Variants in CYP2J2 observed in about 807,000 individuals in gnomAD.
CYP2J2 encodes the protein cytochrome P450 family 2 subfamily J member 2.
In CYP2J2, 41 loss-of-function variants were observed where a neutral mutation model predicts 48.8. That is an observed-to-expected ratio of 0.84 (90% CI 0.66 to 1.09). CYP2J2 has a LOEUF of 1.09. CYP2J2 is among the 50% of genes least tolerant of loss of function. The probability of loss-of-function intolerance (pLI) is 0.00; values close to 1 mark genes in which losing one functional copy is unlikely to be tolerated. For synonymous variants in CYP2J2, 221 were observed against 227.1 expected, an observed-to-expected ratio of 0.97 and a Z score of 0.24; for missense variants, 644 against 617.3, an observed-to-expected ratio of 1.04 and a Z score of -0.46.
At chr1:59,962,324 TAAGACAGC>T in the CYP2J2 span, among the ~76,000 whole-genome samples, 2 of 152,140 alleles carry the variant, frequency 1.3e-5, no homozygotes, top group East Asian at 3.9e-4. Context: ...GTCCCTAATG[TAAGACAGC>T]AGCAAAGGGA....
intron 7 of CYP2J2, among the ~76,000 whole-genome samples, chr1:59,903,026 C>T (rs1644334348): frequency 6.6e-6 from 1 of 152,182 alleles, no homozygotes; most frequent in Admixed American, 6.5e-5. Flanking sequence ...CAGCAGAAGT[C>T]AAGCTGGTTT....
In CYP2J2 at chr1:59,902,932, T is replaced by C. The variant is rs72925825; in HGVS notation, c.1192-1829A>G. Among the ~76,000 whole-genome samples, 1,426 of 152,266 alleles carry C rather than the reference T, an allele frequency of 9.4e-3. 18 individuals are homozygous for C. Among genetic ancestry groups the C allele is most frequent in the African/African-American group, 0.032 (1,332 of 41,536 alleles). On this transcript the variant is annotated intron_variant, in intron 7 of 8. Transcript: ENST00000371204. Reference sequence around the variant, plus strand: ...GAATTAGGTCTATTTGACGTCAAAGTCATAGCTCGTAGACTGTGTAACACA... The same window carrying C: ...GAATTAGGTCTATTTGACGTCAAAGCCATAGCTCGTAGACTGTGTAACACA...
chr1:59,923,124 G>T (rs11572209), intron 1 of CYP2J2, among the ~76,000 whole-genome samples: 1 of 152,202 alleles, frequency 6.6e-6, no homozygotes, highest in African/African-American at 2.4e-5. Flanking sequence ...TCTTCCCTCC[G>T]TAGTAAAGCA....
At chr1:59,912,654 T>C (rs1644428242) in intron 2 of CYP2J2, 1 of 202,138 alleles carries the variant, frequency 4.9e-6, no homozygotes, top group African/African-American at 2.3e-5. Context: ...GGTCTCACAG[T>C]AAGTAAGCAA....
At chr1:59,929,734 G>T (rs1644593936), upstream of CYP2J2, among the ~76,000 whole-genome samples, 1 of 151,816 alleles carries the variant, frequency 6.6e-6, no homozygotes, top group Admixed American at 6.6e-5. Context: ...AACAGAGACA[G>T]AAAAAAAGAA....
intron 1 of CYP2J2, among the ~76,000 whole-genome samples, chr1:59,921,995 A>C (rs928356083): frequency 6.6e-5 from 10 of 152,114 alleles, no homozygotes; most frequent in Non-Finnish European, 1.2e-4. Flanking sequence ...ACCTACCCCC[A>C]TCCTCACTAA....
chr1:59,897,852 C>G (rs1221667582), intron 8 of CYP2J2, among the ~76,000 whole-genome samples: 1 of 152,084 alleles, frequency 6.6e-6, no homozygotes, highest in East Asian at 1.9e-4. Flanking sequence ...GAAGAGTCCT[C>G]TAGAAGACTC....
the CYP2J2 span, among the ~76,000 whole-genome samples, chr1:59,962,619 T>G: frequency 2.0e-5 from 3 of 152,170 alleles, no homozygotes; most frequent in Non-Finnish European, 4.4e-5. Context: ...CAGAGTAAAC[T>G]ACTAGGCTCA....
intron 5 of CYP2J2, among the ~76,000 whole-genome samples, chr1:59,908,742 G>A (rs1333640463): frequency 3.3e-5 from 5 of 152,198 alleles, no homozygotes; most frequent in Admixed American, 1.3e-4. Context: ...TTCCTGATGT[G>A]TAAAGATGAC....
chr1:59,954,500 T>C, the CYP2J2 span, among the ~76,000 whole-genome samples: 2 of 148,146 alleles, frequency 1.4e-5, no homozygotes, highest in East Asian at 4.0e-4. Context: ...TTATTTCAAA[T>C]GAATTAAATA....
chr1:59,969,198 G>A, the CYP2J2 span, among the ~76,000 whole-genome samples: 2 of 152,206 alleles, frequency 1.3e-5, no homozygotes, highest in African/African-American at 4.8e-5. Context: ...GTATGAAAGG[G>A]GATCCGAGCG....
chr1:59,953,374 C>A, the CYP2J2 span, among the ~76,000 whole-genome samples: 1 of 152,066 alleles, frequency 6.6e-6, no homozygotes, highest in South Asian at 2.1e-4. Context: ...TATATAAACA[C>A]CATGACAACA....
chr1:59,957,668 TCACAGACACA>T, the CYP2J2 span, among the ~76,000 whole-genome samples: 5,741 of 150,052 alleles, frequency 0.038, 114 homozygotes, highest in Middle Eastern at 0.079. Context: ...TGAGAAATAT[TCACAGACACA>T]CAGACACACA....
intron 2 of CYP2J2, 49 bp downstream of exon 2, chr1:59,915,889 T>G (rs1644460203): frequency 6.3e-7 from 1 of 1,575,620 alleles, no homozygotes; most frequent in Middle Eastern, 1.7e-4. Flanking sequence ...TAACAGATTA[T>G]AGGACTATCA....
chr1:59,903,652 A>T (rs1034830823), intron 7 of CYP2J2, among the ~76,000 whole-genome samples: 2 of 152,110 alleles, frequency 1.3e-5, no homozygotes, highest in Non-Finnish European at 2.9e-5. Context: ...CTACACATGT[A>T]CTCCCTGAAT....
At chr1:59,969,126 G>A in the CYP2J2 span, among the ~76,000 whole-genome samples, 1 of 152,214 alleles carries the variant, frequency 6.6e-6, no homozygotes, top group Non-Finnish European at 1.5e-5. Flanking sequence ...AAGGCAGTGT[G>A]GACCCAAAGA....
At chr1:59,910,040 C>T (rs1644398720) in intron 4 of CYP2J2, 80 bp from the exon 5 acceptor site, 4 of 1,071,744 alleles carry the variant, frequency 3.7e-6, no homozygotes, top group Non-Finnish European at 5.5e-6. Flanking sequence ...ACCATCTTCT[C>T]TTTCCGTCTC....
chr1:59,907,670 G>A (rs2102118124), intron 6 of CYP2J2, 116 bp downstream of exon 6: 1 of 1,130,924 alleles, frequency 8.8e-7, no homozygotes, highest in Non-Finnish European at 1.3e-6. Flanking sequence ...CATCACTCAT[G>A]ACTGTTCTGC....
At chr1:59,932,828 G>A in the CYP2J2 span, among the ~76,000 whole-genome samples, 1 of 151,842 alleles carries the variant, frequency 6.6e-6, no homozygotes, top group Non-Finnish European at 1.5e-5. Context: ...AGCCCCCTGA[G>A]TAGCTGGGAT....
Sources: allele counts gnomAD v4.1 joint callset (sites outside exome capture counted in the v4.1 genomes callset), GRCh38; gene constraint gnomAD v4.1.1; transcripts MANE v1.5; gene names NCBI Gene and HGNC (gene_info 2026-07-23, HGNC 2026-07-21).